Variants in SYT16 observed in about 807,000 individuals in gnomAD.
SYT16 encodes the protein synaptotagmin-16.
Under a neutral mutation model 61.4 loss-of-function variants are expected in SYT16, and 42 were observed. The ratio of observed to expected loss-of-function variants is 0.68; its 90% CI spans 0.53 to 0.89. The LOEUF (loss-of-function observed/expected upper bound fraction) is 0.89. SYT16 is among the 40% of genes least tolerant of loss of function. The pLI, the probability that SYT16 is intolerant of heterozygous loss-of-function variation, is 0.00. For missense variants in SYT16, 804 were observed against 807.3 expected, an observed-to-expected ratio of 1.00 and a Z score of 0.05; for synonymous variants, 314 against 302.3, an observed-to-expected ratio of 1.04 and a Z score of -0.40.
At chr14:61,986,240 CT>C (rs1223815537) in intron 2 of SYT16, among the ~76,000 whole-genome samples, 2 of 151,842 alleles carry the variant, frequency 1.3e-5, no homozygotes, top group African/African-American at 2.4e-5. Context: ...AGCTAAACAA[CT>C]TTTTTTAATA....
intron 1 of SYT16, among the ~76,000 whole-genome samples, chr14:61,960,521 G>A (rs1011522560): frequency 1.3e-5 from 2 of 152,206 alleles, no homozygotes; most frequent in East Asian, 3.9e-4. Flanking sequence ...TTGTGTATAG[G>A]GATGCCAGTG....
intron 7 of SYT16, 127 bp from the exon 8 acceptor site, chr14:62,100,267 A>T: frequency 1.3e-6 from 1 of 778,348 alleles, no homozygotes; most frequent in Non-Finnish European, 2.0e-6. Context: ...AACCAGGCTT[A>T]AGGATACTGA....
intron 1 of SYT16, among the ~76,000 whole-genome samples, chr14:61,923,773 T>TA (rs893346141): frequency 2.0e-5 from 3 of 151,932 alleles, no homozygotes; most frequent in African/African-American, 4.8e-5. Context: ...TTTGGTTTTT[T>TA]AAAAAAAAGT....
chr14:61,853,501 A>C lies in SYT16; in HGVS notation c.-325+40691A>C, dbSNP rs376809148. ...AACCTTCATAAATGGGAATAGTGCTAAGGCCTTCATAAAATAGGGCTAAGG... is the reference window on the plus strand; with the variant it reads ...AACCTTCATAAATGGGAATAGTGCTCAGGCCTTCATAAAATAGGGCTAAGG... On this transcript the variant is annotated intron_variant, in intron 1 of 7. Transcript: ENST00000683842. Among the ~76,000 whole-genome samples, 170 of 152,288 alleles carry C rather than the reference A, an allele frequency of 1.1e-3. 5 individuals are homozygous for C. In the South Asian group the frequency reaches 0.032, roughly 28 times the overall value.
At chr14:61,847,356 C>A (rs545149934) in intron 1 of SYT16, among the ~76,000 whole-genome samples, 24 of 152,222 alleles carry the variant, frequency 1.6e-4, no homozygotes, top group South Asian at 1.5e-3. Context: ...TTCCCCAGCA[C>A]TTTAAATATG....
chr14:61,864,335 T>C (rs1025616755), intron 1 of SYT16, among the ~76,000 whole-genome samples: 9 of 152,170 alleles, frequency 5.9e-5, no homozygotes, highest in African/African-American at 2.2e-4. Context: ...AACGACTGGT[T>C]TCGGTGTTGC....
chr14:61,814,217 T>C (rs1594667459), intron 1 of SYT16, among the ~76,000 whole-genome samples: 2 of 152,198 alleles, frequency 1.3e-5, no homozygotes, highest in South Asian at 4.1e-4. Context: ...TCAGCTAATT[T>C]GGGCCAAATT....
intron 1 of SYT16, among the ~76,000 whole-genome samples, chr14:61,868,029 CCTCT>C (rs1382539394): frequency 2.0e-5 from 3 of 151,880 alleles, no homozygotes. Flanking sequence ...TTATGTATTA[CCTCT>C]TTTAGGTTGG....
chr14:61,982,235 G>C (rs573760851), intron 2 of SYT16, among the ~76,000 whole-genome samples: 3 of 152,162 alleles, frequency 2.0e-5, no homozygotes, highest in African/African-American at 7.2e-5. Flanking sequence ...CTTTTTGCCT[G>C]GTTGATAGTT....
intron 3 of SYT16, among the ~76,000 whole-genome samples, chr14:62,000,261 A>G (rs908606698): frequency 3.3e-5 from 5 of 151,552 alleles, no homozygotes; most frequent in Non-Finnish European, 5.9e-5. Flanking sequence ...TTAAGTACGT[A>G]CATGTATTAG....
In SYT16 at chr14:62,094,441, T is replaced by C. The variant is rs529986039; in HGVS notation, c.1625-5953T>C. 1.2e-4 allele frequency among the ~76,000 whole-genome samples: 18 copies of C among 152,196 alleles called. No individual in the cohort carries two copies. The East Asian group carries it at 3.3e-3, about 28-fold the overall frequency. Reference sequence around the variant, plus strand: ...TCTAACATTCCATTTTTCAATTTCTTTTTTTAGAGCAACAAACTCATTAGG... The same window carrying C: ...TCTAACATTCCATTTTTCAATTTCTCTTTTTAGAGCAACAAACTCATTAGG... On this transcript the variant is annotated intron_variant, in intron 7 of 7. Coordinates refer to ENST00000683842, the MANE Select transcript of SYT16 (RefSeq NM_001367656.1).
chr14:61,818,691 A>C (rs866069499), intron 1 of SYT16, among the ~76,000 whole-genome samples: 10 of 152,132 alleles, frequency 6.6e-5, no homozygotes, highest in Middle Eastern at 6.8e-3. Flanking sequence ...AAAAAAAAAA[A>C]AAAACAGCAT....
chr14:61,897,856 C>T (rs2048377538), intron 1 of SYT16, among the ~76,000 whole-genome samples: 1 of 152,114 alleles, frequency 6.6e-6, no homozygotes, highest in Non-Finnish European at 1.5e-5. Context: ...CCCTCTGGAG[C>T]TCCTGGGTCT....
Position 61,996,226 on chromosome 14 carries a change from T to C in SYT16, c.207T>C (p.Asp69=), listed in dbSNP as rs768625439. ...NIQIQETYFE[D]EEQDNDWSQE... ...AGATTCAGGAAACGTACTTTGAAGA[T>C]GAAGAACAAGACAATGATTGGAGTC... Residue 69 remains aspartate (D), a synonymous_variant, in exon 3 of 8, where the codon GAT becomes GAC. Coordinates refer to ENST00000683842, the MANE Select transcript of SYT16 (RefSeq NM_001367656.1). 1.2e-6 allele frequency: 2 copies of C among 1,613,610 alleles called. No homozygotes were observed. Among genetic ancestry groups the C allele is most frequent in the East Asian group, 2.2e-5 (1 of 44,860 alleles).
intron 1 of SYT16, among the ~76,000 whole-genome samples, chr14:61,821,914 T>C (rs1469966944): frequency 6.6e-6 from 1 of 152,222 alleles, no homozygotes; most frequent in Non-Finnish European, 1.5e-5. Flanking sequence ...ACTTTAGATA[T>C]CATTGGGATG....
At chr14:61,861,378 G>T (rs2046957607) in intron 1 of SYT16, among the ~76,000 whole-genome samples, 1 of 152,110 alleles carries the variant, frequency 6.6e-6, no homozygotes, top group Admixed American at 6.5e-5. Context: ...TATCTGGATG[G>T]TTGAATCACA....
intron 1 of SYT16, among the ~76,000 whole-genome samples, chr14:61,834,657 G>T (rs2046066386): frequency 6.6e-6 from 1 of 151,802 alleles, no homozygotes; most frequent in Non-Finnish European, 1.5e-5. Flanking sequence ...GGTTGGTCTT[G>T]AACTCCTGAC....
chr14:62,011,872 TATACACAC>T (rs1327049226), intron 3 of SYT16, among the ~76,000 whole-genome samples: 6 of 135,872 alleles, frequency 4.4e-5, no homozygotes, highest in African/African-American at 6.2e-5. Flanking sequence ...GAACACTATA[TATACACAC>T]ACACACACAC....
chr14:61,924,326 G>C (rs558727376), intron 1 of SYT16, among the ~76,000 whole-genome samples: 8 of 152,298 alleles, frequency 5.3e-5, no homozygotes, highest in Admixed American at 5.2e-4. Context: ...GATAATCCCT[G>C]GGTGTCAGCA....
Sources: gnomAD v4.1 joint callset for allele counts (sites outside exome capture counted in the v4.1 genomes callset) on GRCh38, gnomAD v4.1.1 for gene constraint, MANE v1.5 for transcripts, NCBI Gene and HGNC (gene_info 2026-07-23, HGNC 2026-07-21) for gene names.